Variants in SEMA3A observed in about 807,000 individuals in gnomAD.
SEMA3A encodes the protein semaphorin-3A.
A neutral mutation model predicts 97.9 loss-of-function variants in SEMA3A; 29 were observed. The observed-to-expected ratio is 0.30, with a 90% CI of 0.22 to 0.40. SEMA3A has a LOEUF of 0.40. Ranked by LOEUF, SEMA3A falls within the 10% of genes least tolerant of loss-of-function variation. SEMA3A has a pLI of 1.00. For missense variants in SEMA3A, 763 were observed against 951.3 expected, an observed-to-expected ratio of 0.80 and a Z score of 2.60; for synonymous variants, 321 against 323.7, an observed-to-expected ratio of 0.99 and a Z score of 0.09.
chr7:84,384,650 G>C (rs538227282), intron 1 of SEMA3A, among the ~76,000 whole-genome samples: 1 of 152,150 alleles, frequency 6.6e-6, no homozygotes, highest in Non-Finnish European at 1.5e-5. Context: ...TCATGTGACT[G>C]TGTCATCTCT....
chr7:84,069,954 T>C (rs1347397068), intron 4 of SEMA3A, among the ~76,000 whole-genome samples: 1 of 152,158 alleles, frequency 6.6e-6, no homozygotes, highest in South Asian at 2.1e-4. Flanking sequence ...AAATATCACA[T>C]AGACCACTAT....
intron 4 of SEMA3A, among the ~76,000 whole-genome samples, chr7:84,095,841 G>A (rs1037825733): frequency 3.3e-5 from 5 of 151,830 alleles, no homozygotes; most frequent in Non-Finnish European, 4.4e-5. Flanking sequence ...CTACTTTTAT[G>A]AGAATAAAAG....
intron 1 of SEMA3A, among the ~76,000 whole-genome samples, chr7:84,191,477 A>C (rs531501493): frequency 6.6e-6 from 1 of 151,838 alleles, no homozygotes; most frequent in Non-Finnish European, 1.5e-5. Context: ...CATTTGTTTA[A>C]AACCCAAACC....
At chr7:84,451,099 C>A (rs1805542872) in intron 1 of SEMA3A, among the ~76,000 whole-genome samples, 1 of 152,142 alleles carries the variant, frequency 6.6e-6, no homozygotes, top group Non-Finnish European at 1.5e-5. Flanking sequence ...TGTCATAAAA[C>A]TTTCCCTTAT....
intron 1 of SEMA3A, among the ~76,000 whole-genome samples, chr7:84,445,208 G>T (rs1003548322): frequency 6.6e-6 from 1 of 151,770 alleles, no homozygotes; most frequent in African/African-American, 2.4e-5. Context: ...AATCAATAAT[G>T]AGGCCGGGTG....
chr7:84,075,403 C>T (rs1410421768), intron 4 of SEMA3A, among the ~76,000 whole-genome samples: 1 of 151,570 alleles, frequency 6.6e-6, no homozygotes, highest in Non-Finnish European at 1.5e-5. Flanking sequence ...AGGTGATCCA[C>T]CCGCCTCGGC....
intron 1 of SEMA3A, among the ~76,000 whole-genome samples, chr7:84,150,888 G>C (rs1796634093): frequency 6.6e-6 from 1 of 151,386 alleles, no homozygotes; most frequent in South Asian, 2.1e-4. Context: ...CGCAGCTGGA[G>C]ATCTGAGAAC....
chr7:84,443,301 G>A (rs958114700), intron 1 of SEMA3A, among the ~76,000 whole-genome samples: 3 of 151,782 alleles, frequency 2.0e-5, no homozygotes, highest in Non-Finnish European at 2.9e-5. Context: ...TTCATAACAT[G>A]GAATTAAAAG....
intron 3 of SEMA3A, among the ~76,000 whole-genome samples, chr7:84,298,251 T>C (rs1401845375): frequency 6.6e-6 from 1 of 152,094 alleles, no homozygotes; most frequent in Non-Finnish European, 1.5e-5. Context: ...CCTATGAAAA[T>C]TATGTAATTA....
At chr7:84,225,690 C>G (rs375313271) in intron 3 of SEMA3A, among the ~76,000 whole-genome samples, 1 of 152,002 alleles carries the variant, frequency 6.6e-6, no homozygotes, top group Non-Finnish European at 1.5e-5. Context: ...GGTCATCTCA[C>G]GGAGGCAACA....
chr7:84,153,354 G>C (rs903860613), intron 1 of SEMA3A, among the ~76,000 whole-genome samples: 1 of 152,108 alleles, frequency 6.6e-6, no homozygotes, highest in African/African-American at 2.4e-5. Flanking sequence ...GAAAGAGGGA[G>C]CATTTGAACT....
chr7:84,423,193 G>A (rs35428742), intron 1 of SEMA3A, among the ~76,000 whole-genome samples: 3 of 151,936 alleles, frequency 2.0e-5, no homozygotes, highest in Non-Finnish European at 2.9e-5. Context: ...AAGAAGACAT[G>A]TTTGTAGTTC....
At chr7:84,279,809 A>G (rs1800392969) in intron 3 of SEMA3A, among the ~76,000 whole-genome samples, 1 of 152,174 alleles carries the variant, frequency 6.6e-6, no homozygotes, top group African/African-American at 2.4e-5. Context: ...TTCACTAGGA[A>G]TGTGTGATAT....
intron 1 of SEMA3A, among the ~76,000 whole-genome samples, chr7:84,192,361 C>G: frequency 6.6e-6 from 1 of 151,852 alleles, no homozygotes; most frequent in East Asian, 1.9e-4. Context: ...TTTCCTCAGG[C>G]CATTCCTTTT....
At chr7:84,375,043 C>T (rs1176694665) in intron 1 of SEMA3A, among the ~76,000 whole-genome samples, 4 of 151,772 alleles carry the variant, frequency 2.6e-5, no homozygotes, top group South Asian at 4.2e-4. Flanking sequence ...TTTTTGAGAC[C>T]GAGTCTCACT....
At chr7:83,985,357 T>A in intron 13 of SEMA3A, 79 bp downstream of exon 13, 1 of 997,358 alleles carries the variant, frequency 1.0e-6, no homozygotes. Flanking sequence ...TCTGTGAAAT[T>A]TGATAAATAG....
rs749487361 is a variant in SEMA3A at position 84,115,300 on chromosome 7, C to T, written c.334-4711G>A. ...TGTACAAGGCTCCCAAATTATTTTA[C>T]TTAAATGCTCATTTCAGTTAAGTGC... On this transcript the variant is annotated intron_variant, in intron 3 of 16. Coordinates refer to ENST00000265362, the MANE Select transcript of SEMA3A (RefSeq NM_006080.3). Among the ~76,000 whole-genome samples the T allele has an allele frequency of 8.5e-5, 13 of 152,118 alleles. No individual in the cohort carries two copies. The East Asian group carries it at 2.5e-3, about 29-fold the overall frequency.
At chr7:84,451,011 G>T (rs114702991) in intron 1 of SEMA3A, among the ~76,000 whole-genome samples, 1 of 152,068 alleles carries the variant, frequency 6.6e-6, no homozygotes, top group African/African-American at 2.4e-5. Context: ...TTTTTAATTT[G>T]ATGTAATTCC....
intron 3 of SEMA3A, among the ~76,000 whole-genome samples, chr7:84,218,258 T>A (rs12333631): frequency 0.088 from 13,320 of 152,118 alleles, 789 homozygotes; most frequent in East Asian, 0.3. Flanking sequence ...GTCGATGGGA[T>A]TTTTTAATAC....
Sources: allele counts gnomAD v4.1 joint callset (sites outside exome capture counted in the v4.1 genomes callset), GRCh38; gene constraint gnomAD v4.1.1; transcripts MANE v1.5; gene names NCBI Gene and HGNC (gene_info 2026-07-23, HGNC 2026-07-21).